Variants in CDH18 observed in about 807,000 individuals in gnomAD.
CDH18 encodes cadherin 18.
Under a neutral mutation model 67.9 loss-of-function variants are expected in CDH18, and 31 were observed. That is an observed-to-expected ratio of 0.46 (90% confidence interval 0.34 to 0.62). CDH18 has a LOEUF of 0.62. CDH18 is among the 20% of genes least tolerant of loss of function. CDH18 has a pLI of 0.01. For missense variants in CDH18, 890 were observed against 975.5 expected (o/e 0.91, Z 1.17); for synonymous variants, 362 against 347.2 (o/e 1.04, Z -0.48).
intron 1 of CDH18, among the ~76,000 whole-genome samples, chr5:20,477,623 A>G (rs1375258697): frequency 1.3e-5 from 2 of 152,224 alleles, no homozygotes; most frequent in African/African-American, 4.8e-5. Context: ...CATCCCAGTG[A>G]TGGGAACCTG....
chr5:20,157,857 G>A (rs779706228), intron 2 of CDH18, among the ~76,000 whole-genome samples: 9 of 151,972 alleles, frequency 5.9e-5, no homozygotes, highest in Admixed American at 2.6e-4. Context: ...GGCCAGGATG[G>A]TCTCGATCTC....
Position 19,777,422 on chromosome 5 carries a change from G to T in CDH18, c.229-30186C>A, listed in dbSNP as rs544077776. Among the ~76,000 whole-genome samples the T allele has an allele frequency of 5.9e-5, 9 of 152,322 alleles. No individual in the cohort carries two copies. The Middle Eastern group carries it at 0.01, about 173-fold the overall frequency. Reference sequence around the variant, plus strand: ...ATGGAAGGCAATCCAGTTTGGGTAGGTTAGCAATTATACATAGAGCTCAGA... The same window carrying T: ...ATGGAAGGCAATCCAGTTTGGGTAGTTTAGCAATTATACATAGAGCTCAGA... On this transcript the variant is annotated intron_variant, in intron 3 of 12. Transcript: ENST00000382275.
intron 1 of CDH18, among the ~76,000 whole-genome samples, chr5:20,428,044 G>C (rs1296912476): frequency 6.6e-6 from 1 of 150,758 alleles, no homozygotes. Flanking sequence ...CATCATCTGG[G>C]TTTCAAGCCC....
chr5:19,631,483 T>G (rs2150181897), intron 5 of CDH18, among the ~76,000 whole-genome samples: 1 of 152,280 alleles, frequency 6.6e-6, no homozygotes, highest in Admixed American at 6.5e-5. Context: ...TATTAAGGTA[T>G]CTTTGGCAAG....
At chr5:20,203,104 A>G (rs1014826838) in intron 2 of CDH18, among the ~76,000 whole-genome samples, 64 of 152,220 alleles carry the variant, frequency 4.2e-4, no homozygotes, top group African/African-American at 1.5e-3. Context: ...TCCGCCTGGC[A>G]CCAAGCCTGT....
chr5:20,359,533 C>A (rs762452249), intron 1 of CDH18, among the ~76,000 whole-genome samples: 8 of 152,050 alleles, frequency 5.3e-5, no homozygotes, highest in Non-Finnish European at 1.0e-4. Flanking sequence ...CCTTTAAGTA[C>A]TTAACATTCT....
chr5:20,281,248 T>C (rs1298482889), intron 1 of CDH18, among the ~76,000 whole-genome samples: 3 of 152,194 alleles, frequency 2.0e-5, no homozygotes, highest in Non-Finnish European at 4.4e-5. Flanking sequence ...TTTGTTGCCA[T>C]TGCTTTTGGT....
chr5:20,018,678 G>T (rs1738109233), intron 2 of CDH18, among the ~76,000 whole-genome samples: 1 of 152,086 alleles, frequency 6.6e-6, no homozygotes, highest in South Asian at 2.1e-4. Flanking sequence ...AAAGTGAGAA[G>T]AATCAGGATT....
chr5:20,390,028 A>C (rs1460380219), intron 1 of CDH18, among the ~76,000 whole-genome samples: 1 of 152,206 alleles, frequency 6.6e-6, no homozygotes, highest in Admixed American at 6.5e-5. Context: ...CTAAAACCAT[A>C]AAAACCCTAG....
intron 1 of CDH18, among the ~76,000 whole-genome samples, chr5:20,475,930 TG>T (rs1222676922): frequency 6.6e-6 from 1 of 152,196 alleles, no homozygotes; most frequent in African/African-American, 2.4e-5. Flanking sequence ...TAGATGTGTC[TG>T]CAGTCATTCA....
At chr5:19,552,480 T>C (rs537064129) in intron 8 of CDH18, among the ~76,000 whole-genome samples, 149 of 152,234 alleles carry the variant, frequency 9.8e-4, no homozygotes, top group African/African-American at 3.5e-3. Flanking sequence ...GCATATGTGG[T>C]CAAAAGTGTT....
chr5:19,721,600 T>C (rs1459359414), intron 4 of CDH18, 134 bp from the exon 5 acceptor site: 3 of 629,288 alleles, frequency 4.8e-6, no homozygotes, highest in African/African-American at 1.8e-5. Context: ...TAATTAAATT[T>C]ATGTATAAAA....
chr5:19,757,676 A>G (rs768602568), intron 3 of CDH18, among the ~76,000 whole-genome samples: 2 of 152,164 alleles, frequency 1.3e-5, no homozygotes, highest in Non-Finnish European at 2.9e-5. Flanking sequence ...CCACTCAGAG[A>G]GGTCCACCCA....
intron 2 of CDH18, among the ~76,000 whole-genome samples, chr5:20,134,462 T>C (rs552283360): frequency 6.6e-6 from 1 of 152,314 alleles, no homozygotes; most frequent in East Asian, 1.9e-4. Context: ...TCTAGCATTT[T>C]ATTTTGATTC....
At chr5:19,588,766 C>G (rs1005700349) in intron 7 of CDH18, among the ~76,000 whole-genome samples, 1 of 151,908 alleles carries the variant, frequency 6.6e-6, no homozygotes, top group Non-Finnish European at 1.5e-5. Context: ...TCTGACAGAA[C>G]AGACTTTAAG....
In CDH18 at chr5:19,561,039, A is replaced by G. The variant is rs1296769150; in HGVS notation, c.1253+10540T>C. 5.9e-5 allele frequency among the ~76,000 whole-genome samples: 9 copies of G among 152,148 alleles called. No individual in the cohort carries two copies. The South Asian group carries it at 6.2e-4, about 10-fold the overall frequency. On this transcript the variant is annotated intron_variant, in intron 8 of 12. Coordinates refer to ENST00000382275, the MANE Select transcript of CDH18 (RefSeq NM_004934.5). ...GTTGGCATGGATGTGGTGAAAAGGG[A>G]GCACTTTTACATTGTTGGTGGGAGT... is the stretch of plus-strand genomic sequence containing the variant.
Position 19,752,342 on chromosome 5 carries a change from A to T in CDH18, c.229-5106T>A, listed in dbSNP as rs543696343. Among the ~76,000 whole-genome samples the T allele has an allele frequency of 2.6e-5, 4 of 152,176 alleles. 1 individual carries two copies. In the South Asian group the frequency reaches 8.3e-4, roughly 32 times the overall value. ...ACAGACTAGATGCTATGATGGGGCC[A>T]TGGTAGGAGTGAGACCAGCCCTTTG... On this transcript the variant is annotated intron_variant, in intron 3 of 12. Transcript: ENST00000382275.
At chr5:19,912,366 C>T (rs540331087) in intron 2 of CDH18, among the ~76,000 whole-genome samples, 1 of 152,132 alleles carries the variant, frequency 6.6e-6, no homozygotes, top group African/African-American at 2.4e-5. Context: ...AATTGAAGAG[C>T]ATCCATGGAT....
intron 3 of CDH18, among the ~76,000 whole-genome samples, chr5:19,769,350 G>A (rs777040328): frequency 1.3e-5 from 2 of 152,060 alleles, no homozygotes; most frequent in Admixed American, 6.6e-5. Flanking sequence ...TTGAACAGCT[G>A]ATTTCTAATA....
Sources: allele counts gnomAD v4.1 joint callset (sites outside exome capture counted in the v4.1 genomes callset), GRCh38; gene constraint gnomAD v4.1.1; transcripts MANE v1.5; gene names NCBI Gene and HGNC (gene_info 2026-07-23, HGNC 2026-07-21).